HNF4G: variants seen among roughly 807,000 people sequenced by gnomAD.
HNF4G encodes hepatocyte nuclear factor 4-gamma.
HNF4G carries 21 observed loss-of-function variants against 50.9 expected under a neutral mutation model. The observed-to-expected ratio is 0.41, with a 90% CI of 0.29 to 0.59. The LOEUF is 0.59. Ranked by LOEUF, HNF4G falls within the 20% of genes least tolerant of loss-of-function variation. The pLI, the probability that HNF4G is intolerant of heterozygous loss-of-function variation, is 0.26. For missense variants in HNF4G, 527 were observed against 559.4 expected (o/e 0.94, Z 0.58); for synonymous variants, 198 against 185.6 (o/e 1.07, Z -0.54).
At chr8:75,452,680 C>T (rs541341740) in intron 1 of HNF4G, among the ~76,000 whole-genome samples, 198 of 150,346 alleles carry the variant, frequency 1.3e-3, no homozygotes, top group African/African-American at 4.6e-3. Context: ...GATCGTGCCA[C>T]TGCACTCCAG....
chr8:75,464,237 CT>C (rs5892494), intron 1 of HNF4G, among the ~76,000 whole-genome samples: 32 of 149,588 alleles, frequency 2.1e-4, no homozygotes, highest in Non-Finnish European at 3.9e-4. Context: ...GATTCTCTCT[CT>C]TTTTTTTTTA....
chr8:75,530,829 G>A lies in HNF4G; in HGVS notation c.-23-12982G>A, dbSNP rs1389823223. ...TTTTTTTGAGACAGGGTCTCACTCT[G>A]TCACCCAGGCTGGAGTGCAGTTGTG... On this transcript the variant is annotated intron_variant, in intron 2 of 10. Coordinates refer to the HNF4G transcript ENST00000354370. 2.9e-5 allele frequency among the ~76,000 whole-genome samples: 4 copies of A among 136,642 alleles called. No homozygotes were observed. In the East Asian group the frequency reaches 8.4e-4, roughly 29 times the overall value. 89.6% of individuals were successfully genotyped at this position (136,642 alleles called of 152,430 possible). A position where few individuals can be genotyped will look rare whatever the true frequency, so the allele number is the denominator to read the frequency against.
chr8:75,490,772 T>C (rs1220894600), intron 2 of HNF4G, among the ~76,000 whole-genome samples: 1 of 152,210 alleles, frequency 6.6e-6, no homozygotes, highest in Non-Finnish European at 1.5e-5. Context: ...ATGAAAACAA[T>C]ATTTTTTGTC....
In HNF4G at chr8:75,560,946, T is replaced by A. The variant is rs185456095; in HGVS notation, c.1246+480T>A. Among the ~76,000 whole-genome samples the A allele has an allele frequency of 7.4e-3, 1,122 of 152,296 alleles. 7 individuals are homozygous for A. Among genetic ancestry groups the A allele is most frequent in the Middle Eastern group, 0.014 (4 of 294 alleles). ...ACAAAACATTTCAGTTGGTACACTG[T>A]AATTAAAACATTAGGAATATTGACA... is the stretch of plus-strand genomic sequence containing the variant. On this transcript the variant is annotated intron_variant, in intron 9 of 9. Transcript: ENST00000396423.
intron 8 of HNF4G, among the ~76,000 whole-genome samples, 165 bp from the exon 9 acceptor site, chr8:75,560,179 A>G (rs909242930): frequency 6.6e-6 from 1 of 152,254 alleles, no homozygotes; most frequent in South Asian, 2.1e-4. Context: ...GAAAGCTGAC[A>G]TTGTTCTTAA....
At chr8:75,494,955 A>G (rs926630492) in intron 2 of HNF4G, among the ~76,000 whole-genome samples, 5 of 152,170 alleles carry the variant, frequency 3.3e-5, no homozygotes, top group Admixed American at 6.5e-5. Flanking sequence ...AGGAAACTAT[A>G]TAGTTTCATA....
intron 2 of HNF4G, among the ~76,000 whole-genome samples, chr8:75,506,407 A>G (rs1813081516): frequency 6.6e-6 from 1 of 152,118 alleles, no homozygotes. Flanking sequence ...TTTATCTTAT[A>G]CTTGAACTCT....
At chr8:75,449,269 C>T (rs116559488) in intron 1 of HNF4G, among the ~76,000 whole-genome samples, 4,816 of 152,070 alleles carry the variant, frequency 0.032, 176 homozygotes, top group African/African-American at 0.085. Flanking sequence ...TCTGGGGTCT[C>T]ATATGGTTTC....
At chr8:75,448,070 T>C in intron 1 of HNF4G, among the ~76,000 whole-genome samples, 1 of 79,162 alleles carries the variant, frequency 1.3e-5, no homozygotes, top group Middle Eastern at 4.7e-3. Context: ...TAAGAAAATG[T>C]GGCACATATA....
At chr8:75,421,918 T>C (rs12386852) in intron 1 of HNF4G, among the ~76,000 whole-genome samples, 8,242 of 152,226 alleles carry the variant, frequency 0.054, 615 homozygotes, top group African/African-American at 0.16. Flanking sequence ...TGGAAACTAC[T>C]CTTTTTTCAT....
At chr8:75,544,935 A>G (rs1458392751) in intron 2 of HNF4G, among the ~76,000 whole-genome samples, 2 of 152,118 alleles carry the variant, frequency 1.3e-5, no homozygotes, top group African/African-American at 4.8e-5. Flanking sequence ...ATACAAGTTA[A>G]TATATAACTC....
chr8:75,512,848 TA>T (rs1237398355), intron 2 of HNF4G, among the ~76,000 whole-genome samples: 1 of 152,206 alleles, frequency 6.6e-6, no homozygotes. Flanking sequence ...TCTTACAATA[TA>T]TTCGATTTTG....
Position 75,431,701 on chromosome 8 carries a change from G to A in HNF4G, c.-144+23539G>A, listed in dbSNP as rs956930104. Among the ~76,000 whole-genome samples the A allele has an allele frequency of 4.6e-5, 7 of 152,168 alleles. No homozygotes were observed. In the East Asian group the frequency reaches 7.7e-4, roughly 17 times the overall value. On this transcript the variant is annotated intron_variant, in intron 1 of 10. Transcript: ENST00000354370. The stretch of plus-strand genomic sequence containing the variant: ...CCAGCACTTTGGGAGGCTGAGGGGG[G>A]TGGATCACGAGGTCAGGAGTTTGAG...
chr8:75,560,364 C>A lies in HNF4G; in HGVS notation c.1144C>A (p.His382Asn). ...TGTAGGGGCTTCCAATGATGGCAGT[C>A]ATCTCCATCATCCAATGCATCCACA... ...LLGGASNDGS[H>N]LHHPMHPHLS... Residue 382 changes from histidine to asparagine, a missense_variant, in exon 9 of 10, where the codon CAT becomes AAT. Coordinates refer to ENST00000396423, the MANE Select transcript of HNF4G (RefSeq NM_004133.5). 1 of 1,612,582 alleles carries A rather than the reference C, an allele frequency of 6.2e-7. No homozygotes were observed. Among genetic ancestry groups the A allele is most frequent in the Non-Finnish European group, 8.5e-7 (1 of 1,178,816 alleles).
rs7001556 is a variant in HNF4G, at chr8:75,560,699, G to A, written c.1246+233G>A. Among the ~76,000 whole-genome samples the A allele has an allele frequency of 4.0e-3, 607 of 152,200 alleles. 2 individuals are homozygous for A. Among genetic ancestry groups the A allele is most frequent in the African/African-American group, 0.014 (564 of 41,540 alleles). On this transcript the variant is annotated intron_variant, in intron 9 of 9. Coordinates refer to ENST00000396423, the MANE Select transcript of HNF4G (RefSeq NM_004133.5). ...AATCTTTCTACTTCATAGGTCTGGG[G>A]AGCACAAAAGAGTATACAAGTAGTC...
chr8:75,481,913 C>T (rs1812389525), intron 1 of HNF4G, among the ~76,000 whole-genome samples: 1 of 152,084 alleles, frequency 6.6e-6, no homozygotes, highest in Non-Finnish European at 1.5e-5. Context: ...TGTCTTCATC[C>T]TCTAACATAA....
chr8:75,437,437 T>C (rs1190149626), intron 1 of HNF4G, among the ~76,000 whole-genome samples: 1 of 152,220 alleles, frequency 6.6e-6, no homozygotes, highest in Non-Finnish European at 1.5e-5. Context: ...TTGGAATCAA[T>C]GGTAAAGTTT....
At chr8:75,486,437 T>C (rs1812499396) in intron 1 of HNF4G, among the ~76,000 whole-genome samples, 1 of 152,188 alleles carries the variant, frequency 6.6e-6, no homozygotes, top group African/African-American at 2.4e-5. Context: ...ATTGATCATA[T>C]ACATGTTGAA....
chr8:75,475,223 T>A (rs10089886), intron 1 of HNF4G, among the ~76,000 whole-genome samples: 63,100 of 151,000 alleles, frequency 0.42, 15,417 homozygotes, highest in African/African-American at 0.7. Context: ...TTGGCCAGGA[T>A]GGTCTCAATC....
Sources: allele counts gnomAD v4.1 joint callset (sites outside exome capture counted in the v4.1 genomes callset), GRCh38; gene constraint gnomAD v4.1.1; transcripts MANE v1.5; gene names NCBI Gene and HGNC (gene_info 2026-07-23, HGNC 2026-07-21).